Variants in TANGO6 observed in about 807,000 individuals in gnomAD.
TANGO6 encodes transport and Golgi organization protein 6 homolog.
In TANGO6, 90 loss-of-function variants were observed where a neutral mutation model predicts 114.2. That is an observed-to-expected ratio of 0.79 (90% CI 0.66 to 0.94). TANGO6 has a LOEUF of 0.94. Ranked by LOEUF, TANGO6 falls within the 40% of genes least tolerant of loss-of-function variation. The pLI is 0.00. For synonymous variants in TANGO6, 477 were observed against 509.8 expected (o/e 0.94, Z 0.87); for missense variants, 1,274 against 1,315.3 (o/e 0.97, Z 0.49).
chr16:68,960,333 C>T (rs943500465), intron 14 of TANGO6, among the ~76,000 whole-genome samples: 1 of 149,142 alleles, frequency 6.7e-6, no homozygotes, highest in Admixed American at 6.7e-5. Context: ...ACTCCAGAAC[C>T]TTGATCATCA....
chr16:68,945,149 A>G (rs1963401017), intron 14 of TANGO6, among the ~76,000 whole-genome samples: 1 of 152,186 alleles, frequency 6.6e-6, no homozygotes, highest in African/African-American at 2.4e-5. Context: ...TCAAAAACAA[A>G]AAAGAAGAAG....
chr16:69,052,413 C>G (rs1050862357), intron 17 of TANGO6, among the ~76,000 whole-genome samples: 1 of 151,778 alleles, frequency 6.6e-6, no homozygotes, highest in Non-Finnish European at 1.5e-5. Context: ...GGACTACAAG[C>G]ACACACCACC....
chr16:68,872,592 G>T (rs538498011), intron 4 of TANGO6, among the ~76,000 whole-genome samples: 1 of 151,390 alleles, frequency 6.6e-6, no homozygotes, highest in Non-Finnish European at 1.5e-5. Flanking sequence ...ATGAGCCACC[G>T]CCCACAGCCG....
chr16:69,063,779 C>CG, intron 17 of TANGO6, among the ~76,000 whole-genome samples: 1 of 96,724 alleles, frequency 1.0e-5, no homozygotes, highest in Non-Finnish European at 2.0e-5. Flanking sequence ...CGTAGCCATA[C>CG]TTTTCTTCTT....
chr16:69,073,016 G>C (rs1288076593), intron 17 of TANGO6, among the ~76,000 whole-genome samples: 1 of 151,210 alleles, frequency 6.6e-6, no homozygotes, highest in Non-Finnish European at 1.5e-5. Flanking sequence ...ATGGGGCACA[G>C]GAAGCCAGGA....
At chr16:68,910,561 C>G (rs1176116520) in intron 11 of TANGO6, among the ~76,000 whole-genome samples, 2 of 152,018 alleles carry the variant, frequency 1.3e-5, no homozygotes, top group Non-Finnish European at 2.9e-5. Context: ...ATGATTTGTC[C>G]CATTAAATTA....
rs189016517 is a variant in TANGO6 at position 68,943,558 on chromosome 16, G to T, written c.2701+13263G>T. 8.0e-4 allele frequency among the ~76,000 whole-genome samples: 122 copies of T among 151,740 alleles called. 1 individual carries two copies. The highest frequency in any genetic ancestry group is 8.7e-4 in the Non-Finnish European group (59 of 67,940). On this transcript the variant is annotated intron_variant, in intron 14 of 17. Coordinates refer to ENST00000261778, the MANE Select transcript of TANGO6 (RefSeq NM_024562.2). Reference sequence around the variant, plus strand: ...TTTTTGTGTTTTTTAGTAGAGATGGGGTTTCACCATGTCAGCCAGGATGGT... The same window carrying T: ...TTTTTGTGTTTTTTAGTAGAGATGGTGTTTCACCATGTCAGCCAGGATGGT...
chr16:69,013,132 AT>A (rs2152224803), intron 15 of TANGO6, among the ~76,000 whole-genome samples: 1 of 149,782 alleles, frequency 6.7e-6, no homozygotes, highest in Non-Finnish European at 1.5e-5. Flanking sequence ...TTTTTTTTTA[AT>A]AGGTTAGCAC....
At chr16:68,932,649 G>C (rs1963257583) in intron 14 of TANGO6, among the ~76,000 whole-genome samples, 1 of 152,032 alleles carries the variant, frequency 6.6e-6, no homozygotes, top group African/African-American at 2.4e-5. Flanking sequence ...AGTTAGCCAG[G>C]TGTGGTGGCG....
intron 14 of TANGO6, among the ~76,000 whole-genome samples, chr16:68,953,050 T>TTTTTTATTATTATTATTATTA (rs1555525236): frequency 5.7e-5 from 8 of 139,212 alleles, no homozygotes; most frequent in East Asian, 2.1e-4. Flanking sequence ...ACAGGTATTT[T>TTTTTTATTATTATTATTATTA]TTATTATTAT....
At chr16:69,065,493 A>G (rs1039549454) in intron 17 of TANGO6, among the ~76,000 whole-genome samples, 5 of 152,122 alleles carry the variant, frequency 3.3e-5, no homozygotes, top group Non-Finnish European at 5.9e-5. Flanking sequence ...AAAACCACAC[A>G]TGATACCCGC....
chr16:69,039,662 A>G (rs993110501), intron 16 of TANGO6, among the ~76,000 whole-genome samples: 4 of 152,170 alleles, frequency 2.6e-5, no homozygotes, highest in Non-Finnish European at 4.4e-5. Flanking sequence ...AACAGAAAAA[A>G]TACGTAAAGT....
At chr16:68,923,868 G>A (rs1159754273) in intron 12 of TANGO6, among the ~76,000 whole-genome samples, 1 of 152,148 alleles carries the variant, frequency 6.6e-6, no homozygotes, top group Non-Finnish European at 1.5e-5. Context: ...AGCTCAAAAA[G>A]TTGAAAAACA....
At chr16:68,909,656 A>G in intron 11 of TANGO6, 1 of 275,352 alleles carries the variant, frequency 3.6e-6, no homozygotes. Context: ...AAATGTTTAT[A>G]TATTATGTTA....
chr16:68,916,131 T>G (rs1407662350), intron 11 of TANGO6, among the ~76,000 whole-genome samples: 2 of 152,058 alleles, frequency 1.3e-5, no homozygotes, highest in Non-Finnish European at 2.9e-5. Flanking sequence ...CTAGGAACAG[T>G]CTTAATCCTT....
intron 13 of TANGO6, among the ~76,000 whole-genome samples, chr16:68,929,573 G>A (rs559787964): frequency 1.1e-4 from 16 of 152,250 alleles, no homozygotes; most frequent in African/African-American, 3.9e-4. Flanking sequence ...ATATGGAGCA[G>A]ACACTTCCGT....
chr16:69,009,947 G>A (rs1964130250), intron 15 of TANGO6, among the ~76,000 whole-genome samples: 1 of 152,176 alleles, frequency 6.6e-6, no homozygotes, highest in Non-Finnish European at 1.5e-5. Flanking sequence ...AGCGAAATGG[G>A]TGTCAGTGCT....
intron 7 of TANGO6, among the ~76,000 whole-genome samples, chr16:68,890,660 G>T (rs186156712): frequency 1.3e-5 from 2 of 152,000 alleles, no homozygotes; most frequent in Admixed American, 6.6e-5. Flanking sequence ...CAAGGTGGGC[G>T]GATCGCTTGA....
In TANGO6 at chr16:69,057,305, G is replaced by T. The variant is rs568558554; in HGVS notation, c.3108+16884G>T. ...AACTACACAAAACACTTTTATTTAG[G>T]CATTTACTACATGACAGCACTTATA... On this transcript the variant is annotated intron_variant, in intron 17 of 17. Coordinates refer to ENST00000261778, the MANE Select transcript of TANGO6 (RefSeq NM_024562.2). 8.6e-4 allele frequency among the ~76,000 whole-genome samples: 131 copies of T among 152,080 alleles called. 1 individual carries two copies. The South Asian group carries it at 0.014, about 16-fold the overall frequency.
Sources: gnomAD v4.1 joint callset for allele counts (sites outside exome capture counted in the v4.1 genomes callset) on GRCh38, gnomAD v4.1.1 for gene constraint, MANE v1.5 for transcripts, NCBI Gene and HGNC (gene_info 2026-07-23, HGNC 2026-07-21) for gene names.